RCAN1: variants seen among roughly 807,000 people sequenced by gnomAD.
RCAN1 encodes calcipressin-1.
Under a neutral mutation model 22.9 loss-of-function variants are expected in RCAN1, and 11 were observed. The observed-to-expected ratio is 0.48, with a 90% confidence interval of 0.30 to 0.79. The LOEUF (loss-of-function observed/expected upper bound fraction) is 0.79, where lower values mean the gene tolerates loss of function less well. Among genes scored for constraint, RCAN1 ranks in the 30% least tolerant of loss-of-function variants. RCAN1 has a pLI of 0.06. For synonymous variants in RCAN1, 136 were observed against 142.3 expected (o/e 0.96, Z 0.32); for missense variants, 291 against 337.8 (o/e 0.86, Z 1.09).
At chr21:34,581,106 A>G (rs1374247150) in intron 1 of RCAN1, among the ~76,000 whole-genome samples, 1 of 152,176 alleles carries the variant, frequency 6.6e-6, no homozygotes, top group African/African-American at 2.4e-5. Context: ...TAGTCTCTAC[A>G]GGGAAAACCA....
At position 34,517,936 on chromosome 21, in the gene RCAN1, C is replaced by G. The variant is rs1000389345; in HGVS notation, c.*148G>C. On this transcript the variant is annotated 3_prime_UTR_variant, in exon 4 of 4. Transcript: ENST00000313806. ...GCAGCATTAGAACAAGGGGACACGG[C>G]CTTGATTCTCTTCTGAGCAACATGA... 2 of 922,284 alleles carry G rather than the reference C, an allele frequency of 2.2e-6. No individual in the cohort carries two copies. The highest frequency in any genetic ancestry group is 3.3e-6 in the Non-Finnish European group (2 of 601,358). 57.1% of individuals were successfully genotyped at this position (922,284 alleles called of 1,614,324 possible).
rs78556337 is a variant in RCAN1, at chr21:34,528,236, T to C, written c.253-4526A>G. On this transcript the variant is annotated intron_variant, in intron 1 of 3. Coordinates refer to ENST00000313806, the MANE Select transcript of RCAN1 (RefSeq NM_004414.7). ...AAGTCAGCCAATAATTTAAAATACA[T>C]GCAAGAGGAAGAAACAAAGCAGGGC... Among the ~76,000 whole-genome samples, 1,076 of 152,250 alleles carry C rather than the reference T, an allele frequency of 7.1e-3. 10 individuals carry two copies. Among genetic ancestry groups the C allele is most frequent in the African/African-American group, 0.024 (1,002 of 41,544 alleles).
chr21:34,604,811 C>T (rs1180305691), intron 1 of RCAN1, among the ~76,000 whole-genome samples: 3 of 152,202 alleles, frequency 2.0e-5, no homozygotes, highest in African/African-American at 7.2e-5. Flanking sequence ...TGGGGCCCCA[C>T]AGCTGGTTTT....
rs531987730 is a variant in RCAN1, at chr21:34,536,550, T to C, written c.253-12840A>G. Among the ~76,000 whole-genome samples the C allele has an allele frequency of 4.6e-5, 7 of 152,260 alleles. No individual in the cohort carries two copies. The South Asian group carries it at 1.5e-3, about 32-fold the overall frequency. On this transcript the variant is annotated intron_variant, in intron 1 of 3. Coordinates refer to ENST00000313806, the MANE Select transcript of RCAN1 (RefSeq NM_004414.7). The stretch of plus-strand genomic sequence containing the variant: ...CACACGCAAAGTAGGAATTCTACTT[T>C]CCAGGGTTAATGCTGCCTGGAAAAC...
rs529368808 is a variant in RCAN1, at chr21:34,564,139, C to T, written c.253-40429G>A. ...GTGCCAGCAGGGGAAATGCCAGACA[C>T]TTTATAAAACCATCAGATCTCAGGA... is the stretch of plus-strand genomic sequence containing the variant. On this transcript the variant is annotated intron_variant, in intron 1 of 3. Transcript: ENST00000313806. Among the ~76,000 whole-genome samples the T allele has an allele frequency of 2.0e-5, 3 of 152,174 alleles. No homozygotes were observed. In the East Asian group the frequency reaches 5.8e-4, roughly 30 times the overall value.
chr21:34,607,950 C>T (rs944260235), intron 1 of RCAN1, among the ~76,000 whole-genome samples: 12 of 152,084 alleles, frequency 7.9e-5, no homozygotes, highest in African/African-American at 2.9e-4. Flanking sequence ...CAGCAGAGTC[C>T]CATAGGAGCA....
chr21:34,560,220 AC>A (rs1328144305), intron 1 of RCAN1: 1 of 152,224 alleles, frequency 6.6e-6, no homozygotes, highest in Non-Finnish European at 1.5e-5. Flanking sequence ...GGTTGCCGGT[AC>A]AGGCACATTC....
At chr21:34,552,979 A>C (rs775942225) in intron 1 of RCAN1, among the ~76,000 whole-genome samples, 1 of 152,224 alleles carries the variant, frequency 6.6e-6, no homozygotes, top group African/African-American at 2.4e-5. Context: ...AGACTGGAAC[A>C]TAACTGCCTA....
In RCAN1 at chr21:34,584,539, T is replaced by TCAC. The variant is rs201523409; in HGVS notation, c.252+30218_252+30220dup. On this transcript the variant is annotated intron_variant, in intron 1 of 3. Transcript: ENST00000313806. ...TCTCTTACTGACCACTCTTCTTCCA[T>TCAC]CACTGACTGCAGTGGAAAATTACAT... Among the ~76,000 whole-genome samples the TCAC allele has an allele frequency of 5.0e-4, 76 of 152,362 alleles. No homozygotes were observed. In the East Asian group the frequency reaches 0.013, roughly 26 times the overall value.
intron 1 of RCAN1, among the ~76,000 whole-genome samples, chr21:34,535,171 A>G (rs9977104): frequency 0.36 from 55,386 of 152,134 alleles, 11,213 homozygotes; most frequent in African/African-American, 0.56. Flanking sequence ...CATGTGTTTA[A>G]GCAATAGTGT....
intron 1 of RCAN1, chr21:34,525,365 C>T (rs1984970263): frequency 3.4e-6 from 5 of 1,470,110 alleles, no homozygotes; most frequent in African/African-American, 1.4e-5. Flanking sequence ...CGAGGGATCC[C>T]GCAGAGGCAC....
intron 1 of RCAN1, 100 bp from the exon 2 acceptor site, chr21:34,523,810 T>G: frequency 2.1e-6 from 2 of 955,040 alleles, no homozygotes; most frequent in Non-Finnish European, 3.1e-6. Flanking sequence ...CGAGACAGAG[T>G]CTTGCTCTGT....
chr21:34,571,993 G>C (rs1355536910), intron 1 of RCAN1, among the ~76,000 whole-genome samples: 3 of 152,184 alleles, frequency 2.0e-5, no homozygotes, highest in African/African-American at 7.2e-5. Context: ...TGTGGAAAAT[G>C]ATCATCCTAT....
chr21:34,579,320 T>C (rs993180877), intron 1 of RCAN1, among the ~76,000 whole-genome samples: 8 of 152,106 alleles, frequency 5.3e-5, no homozygotes, highest in African/African-American at 1.9e-4. Flanking sequence ...AGAAGATCAC[T>C]TGGGCCTGGT....
At chr21:34,552,675 A>T (rs2123648661) in intron 1 of RCAN1, among the ~76,000 whole-genome samples, 1 of 152,056 alleles carries the variant, frequency 6.6e-6, no homozygotes, top group South Asian at 2.1e-4. Context: ...TGCCTATTAA[A>T]AAAAAAAACC....
At chr21:34,553,443 G>C (rs1986445028) in intron 1 of RCAN1, among the ~76,000 whole-genome samples, 1 of 152,276 alleles carries the variant, frequency 6.6e-6, no homozygotes, top group South Asian at 2.1e-4. Flanking sequence ...CTTCCTGATA[G>C]CACACAGCTC....
intron 1 of RCAN1, among the ~76,000 whole-genome samples, chr21:34,604,531 G>A (rs1426494531): frequency 1.3e-5 from 2 of 152,230 alleles, no homozygotes; most frequent in African/African-American, 4.8e-5. Flanking sequence ...TTAAGTGACT[G>A]AAATGTACCT....
chr21:34,564,625 G>A (rs1475591629), intron 1 of RCAN1, among the ~76,000 whole-genome samples: 2 of 152,106 alleles, frequency 1.3e-5, no homozygotes, highest in African/African-American at 4.8e-5. Flanking sequence ...TGTGGGTTGT[G>A]ATCACTGGAA....
intron 1 of RCAN1, among the ~76,000 whole-genome samples, chr21:34,555,580 A>AAAT (rs1986528196): frequency 6.7e-6 from 1 of 150,132 alleles, no homozygotes; most frequent in Middle Eastern, 3.4e-3. Flanking sequence ...TCAAAAAAAA[A>AAAT]AATAAATAAA....
Sources: gnomAD v4.1 joint callset for allele counts (sites outside exome capture counted in the v4.1 genomes callset) on GRCh38, gnomAD v4.1.1 for gene constraint, MANE v1.5 for transcripts, NCBI Gene and HGNC (gene_info 2026-07-23, HGNC 2026-07-21) for gene names.